The following HPSE2 variants were observed in gnomAD, a reference collection of about 807,000 sequenced individuals.
The protein encoded by HPSE2 is heparanase 2 (inactive).
HPSE2 carries 38 observed loss-of-function variants against 60.5 expected under a neutral mutation model. The ratio of observed to expected loss-of-function variants is 0.63; its 90% CI spans 0.48 to 0.82. The LOEUF is 0.82. Ranked by LOEUF, HPSE2 falls within the 40% of genes least tolerant of loss-of-function variation. The pLI is 0.00. For synonymous variants in HPSE2, 295 were observed against 293.2 expected, an observed-to-expected ratio of 1.01 and a Z score of -0.06; for missense variants, 713 against 740.4, an observed-to-expected ratio of 0.96 and a Z score of 0.43.
rs1945863125 is a variant in HPSE2 at position 98,614,938 on chromosome 10, T to C, written c.1286A>G (p.Asn429Ser). The C allele has an allele frequency of 6.2e-7, 1 of 1,613,956 alleles. No individual in the cohort carries two copies. Reference protein sequence around the residue: ...IRHSFFDHGYNHLVDQNFNPL... With the variant: ...IRHSFFDHGYSHLVDQNFNPL... Reference sequence around the variant, plus strand: ...GTTAAAATTCTGGTCCACGAGGTGATTGTATCCATGGTCAAAAAATGAGTG... The same window carrying C: ...GTTAAAATTCTGGTCCACGAGGTGACTGTATCCATGGTCAAAAAATGAGTG... The change falls in exon 9 of 12, where the codon AAT becomes AGT. Residue 429 changes from asparagine (N) to serine (S), a missense_variant. Asn to Ser is a conservative substitution (Grantham distance 46, BLOSUM62 1). Coordinates refer to ENST00000370552, the MANE Select transcript of HPSE2 (RefSeq NM_021828.5).
At chr10:98,535,328 T>G (rs1199629309) in intron 9 of HPSE2, among the ~76,000 whole-genome samples, 3 of 152,122 alleles carry the variant, frequency 2.0e-5, no homozygotes, top group Non-Finnish European at 4.4e-5. Context: ...TTGTTTGTTT[T>G]TTTTTTAATT....
At chr10:99,132,170 A>G (rs1251273463) in intron 3 of HPSE2, among the ~76,000 whole-genome samples, 5 of 7,406 alleles carry the variant, frequency 6.8e-4, no homozygotes, top group African/African-American at 1.1e-3. Flanking sequence ...AGAAAGAAAG[A>G]AAGAAAGAAA....
Position 98,749,947 on chromosome 10 carries a change from T to TATATATACAC in HPSE2, c.611-5892_611-5891insGTGTATATAT. Among the ~76,000 whole-genome samples, 846 of 98,446 alleles carry TATATATACAC rather than the reference T, an allele frequency of 8.6e-3. 11 individuals carry two copies. The highest frequency in any genetic ancestry group is 0.038 in the Middle Eastern group (6 of 156). 64.6% of individuals were successfully genotyped at this position (98,446 alleles called of 152,430 possible). A position where few individuals can be genotyped will look rare whatever the true frequency, so the allele number is the denominator to read the frequency against. Reference sequence around the variant, plus strand: ...ATTAAACACTATATATATATATATATACACACACACTTACACACACATTTA... The same window carrying TATATATACAC: ...ATTAAACACTATATATATATATATATATATATACACACACACACACTTACACACACATTTA... On this transcript the variant is annotated intron_variant, in intron 3 of 11. Coordinates refer to ENST00000370552, the MANE Select transcript of HPSE2 (RefSeq NM_021828.5).
chr10:99,306,643 A>G, the HPSE2 span, among the ~76,000 whole-genome samples: 66 of 152,338 alleles, frequency 4.3e-4, no homozygotes, highest in Non-Finnish European at 8.2e-4. Flanking sequence ...GACAACTGGT[A>G]CTGTGAGCAA....
intron 3 of HPSE2, among the ~76,000 whole-genome samples, chr10:98,902,228 G>T (rs944085321): frequency 6.6e-6 from 1 of 152,132 alleles, no homozygotes; most frequent in Admixed American, 6.6e-5. Flanking sequence ...ATACAGTTTT[G>T]CAAACTAGGA....
At position 99,132,191 on chromosome 10, in the gene HPSE2, AAGAGAGAGAGAGAGAGAG is replaced by A. The variant is rs781059893; in HGVS notation, c.610+12029_610+12046del. 1.1e-4 allele frequency among the ~76,000 whole-genome samples: 8 copies of A among 71,866 alleles called. 1 individual carries two copies. Among genetic ancestry groups the A allele is most frequent in the Admixed American group, 3.6e-4 (2 of 5,528 alleles). 47.1% of individuals were successfully genotyped at this position (71,866 alleles called of 152,430 possible). A position where few individuals can be genotyped will look rare whatever the true frequency, so the allele number is the denominator to read the frequency against. ...AAAGAAAGAAAGAAAGAAAGAAAGA[AAGAGAGAGAGAGAGAGAG>A]AGAGAGAGAGAGAGAGAGAGAGAGA... On this transcript the variant is annotated intron_variant, in intron 3 of 11. Coordinates refer to ENST00000370552, the MANE Select transcript of HPSE2 (RefSeq NM_021828.5).
intron 3 of HPSE2, among the ~76,000 whole-genome samples, chr10:99,086,552 C>G (rs927452945): frequency 2.0e-5 from 3 of 151,140 alleles, no homozygotes; most frequent in African/African-American, 7.3e-5. Context: ...CGGGGTTTCA[C>G]CGTTTTAGCT....
chr10:99,127,827 G>C (rs1383229222), intron 3 of HPSE2, among the ~76,000 whole-genome samples: 4 of 152,158 alleles, frequency 2.6e-5, no homozygotes, highest in African/African-American at 9.7e-5. Flanking sequence ...GAAGGGATTG[G>C]AGTATTATCT....
At chr10:99,157,643 A>C (rs1846631464) in intron 2 of HPSE2, among the ~76,000 whole-genome samples, 2 of 146,792 alleles carry the variant, frequency 1.4e-5, no homozygotes, top group East Asian at 2.0e-4. Context: ...TAAAACCATA[A>C]AAACCCTAGA....
chr10:99,116,255 T>C (rs144105720), intron 3 of HPSE2, among the ~76,000 whole-genome samples: 3 of 152,142 alleles, frequency 2.0e-5, no homozygotes, highest in Admixed American at 1.3e-4. Context: ...AAACCTCACA[T>C]TGTGAATCAA....
At chr10:98,858,998 A>ATATG (rs1396142342) in intron 3 of HPSE2, among the ~76,000 whole-genome samples, 1 of 152,134 alleles carries the variant, frequency 6.6e-6, no homozygotes, top group East Asian at 1.9e-4. Context: ...GCACAGTCAT[A>ATATG]GCTCACTGCA....
chr10:98,706,488 T>C (rs1203676423), intron 5 of HPSE2, among the ~76,000 whole-genome samples: 1 of 152,162 alleles, frequency 6.6e-6, no homozygotes, highest in South Asian at 2.1e-4. Flanking sequence ...GACAAGGACA[T>C]ACCAAAATTT....
intron 3 of HPSE2, among the ~76,000 whole-genome samples, chr10:98,827,488 G>A (rs1951579155): frequency 6.6e-6 from 1 of 152,092 alleles, no homozygotes; most frequent in African/African-American, 2.4e-5. Flanking sequence ...TTACAGGTTT[G>A]AGCCACTGCG....
rs534461666 is a variant in HPSE2, at chr10:98,849,262, T to C, written c.611-105206A>G. 3.3e-5 allele frequency among the ~76,000 whole-genome samples: 5 copies of C among 152,336 alleles called. No homozygotes were observed. The South Asian group carries it at 8.3e-4, about 25-fold the overall frequency. ...ATAACTTTCACCATAGTCTGTGTAATTGACAGAGAGGTACTTCATCATGTG... is the reference window on the plus strand; with the variant it reads ...ATAACTTTCACCATAGTCTGTGTAACTGACAGAGAGGTACTTCATCATGTG... On this transcript the variant is annotated intron_variant, in intron 3 of 11. Coordinates refer to ENST00000370552, the MANE Select transcript of HPSE2 (RefSeq NM_021828.5).
chr10:98,817,924 T>C (rs1951330120), intron 3 of HPSE2, among the ~76,000 whole-genome samples: 1 of 152,218 alleles, frequency 6.6e-6, no homozygotes, highest in Non-Finnish European at 1.5e-5. Flanking sequence ...TTTTATCCAT[T>C]AATACAGTCA....
At chr10:99,287,072 C>T in the HPSE2 span, among the ~76,000 whole-genome samples, 14 of 152,092 alleles carry the variant, frequency 9.2e-5, no homozygotes, top group African/African-American at 3.4e-4. Flanking sequence ...CTTTGTATCT[C>T]CAGCATCTAG....
In HPSE2 at chr10:99,154,213, C is replaced by G. The variant is rs1337387910; in HGVS notation, c.449-9814G>C. Among the ~76,000 whole-genome samples, 111 of 141,074 alleles carry G rather than the reference C, an allele frequency of 7.9e-4. 1 individual carries two copies. Among genetic ancestry groups the G allele is most frequent in the African/African-American group, 2.7e-3 (104 of 39,170 alleles). The allele number at this position is 141,074 out of a possible 152,430, so 92.6% of individuals were successfully genotyped here. ...ATCCAGGAGAACTTCCCCAATCTAG[C>G]AAGGCAGGCCAACATTCAGATTCAG... On this transcript the variant is annotated intron_variant, in intron 2 of 11. Coordinates refer to ENST00000370552, the MANE Select transcript of HPSE2 (RefSeq NM_021828.5).
chr10:98,690,396 C>T (rs1281637405), intron 6 of HPSE2, among the ~76,000 whole-genome samples: 1 of 152,060 alleles, frequency 6.6e-6, no homozygotes, highest in Non-Finnish European at 1.5e-5. Context: ...AAAAAATTAG[C>T]CTGGCGTGGT....
Position 98,476,651 on chromosome 10 carries a change from G to A in HPSE2, c.1613+5985C>T, listed in dbSNP as rs118120273. Among the ~76,000 whole-genome samples the A allele has an allele frequency of 3.6e-3, 545 of 151,966 alleles. 3 individuals carry two copies. Among genetic ancestry groups the A allele is most frequent in the Non-Finnish European group, 4.1e-3 (279 of 67,968 alleles). ...CTAAAAATACTAAAACTAGCTGGGCGTGGTGGTGCATGCCTGTAGTCCCAA... is the reference window on the plus strand; with the variant it reads ...CTAAAAATACTAAAACTAGCTGGGCATGGTGGTGCATGCCTGTAGTCCCAA... On this transcript the variant is annotated intron_variant, in intron 11 of 11. Coordinates refer to ENST00000370552, the MANE Select transcript of HPSE2 (RefSeq NM_021828.5).
Sources: gnomAD v4.1 joint callset for allele counts (sites outside exome capture counted in the v4.1 genomes callset) on GRCh38, gnomAD v4.1.1 for gene constraint, MANE v1.5 for transcripts, NCBI Gene and HGNC (gene_info 2026-07-23, HGNC 2026-07-21) for gene names.